Variants in WDFY4 observed in about 807,000 individuals in gnomAD.
The protein encoded by WDFY4 is WD repeat- and FYVE domain-containing protein 4.
Under a neutral mutation model 351.9 loss-of-function variants are expected in WDFY4, and 169 were observed. The ratio of observed to expected loss-of-function variants is 0.48; its 90% CI spans 0.42 to 0.55. The LOEUF is 0.55. Among genes scored for constraint, WDFY4 ranks in the 20% least tolerant of loss-of-function variants. WDFY4 has a pLI of 0.00. For synonymous variants in WDFY4, 1,622 were observed against 1,574.6 expected, an observed-to-expected ratio of 1.03 and a Z score of -0.71; for missense variants, 3,803 against 3,935.6, an observed-to-expected ratio of 0.97 and a Z score of 0.90.
chr10:48,813,331 G>C (rs2067520492), intron 30 of WDFY4, among the ~76,000 whole-genome samples: 1 of 152,140 alleles, frequency 6.6e-6, no homozygotes, highest in African/African-American at 2.4e-5. Flanking sequence ...TTAATATGCT[G>C]TACTAAGGTC....
At chr10:48,821,201 C>A in intron 34 of WDFY4, 25 bp downstream of exon 34, 1 of 1,515,114 alleles carries the variant, frequency 6.6e-7, no homozygotes, top group South Asian at 1.2e-5. Context: ...TCGGTCCCCT[C>A]CATTCATGAC....
chr10:48,891,995 G>A (rs1411452004), intron 44 of WDFY4, among the ~76,000 whole-genome samples: 3 of 152,186 alleles, frequency 2.0e-5, no homozygotes, highest in South Asian at 2.1e-4. Flanking sequence ...CATACCAAAT[G>A]TTCACCGATT....
intron 12 of WDFY4, among the ~76,000 whole-genome samples, chr10:48,758,533 G>A (rs2065402832): frequency 6.6e-6 from 1 of 152,070 alleles, no homozygotes; most frequent in Admixed American, 6.5e-5. Flanking sequence ...TCGTCTCCTT[G>A]GAGGATTCTA....
At position 48,727,667 on chromosome 10, in the gene WDFY4, G is replaced by T. The variant is rs747262860; in HGVS notation, c.971+8G>T. On this transcript the variant is annotated splice_region_variant and intron_variant, in intron 7 of 61. Transcript: ENST00000325239. ...GCTCAAAGTGTTACTTCGGTAAGTG[G>T]CTGTGTTTGGTACGGGGAGAGCACA... 1.7e-5 allele frequency: 27 copies of T among 1,551,634 alleles called. No homozygotes were observed. Among genetic ancestry groups the T allele is most frequent in the Non-Finnish European group, 2.2e-5 (25 of 1,146,912 alleles).
At chr10:48,904,040 G>T (rs1034508480) in intron 47 of WDFY4, among the ~76,000 whole-genome samples, 6 of 152,238 alleles carry the variant, frequency 3.9e-5, no homozygotes, top group Admixed American at 6.5e-5. Flanking sequence ...GTGGTCAAGT[G>T]TTGTTGGTAG....
chr10:48,789,988 A>T lies in WDFY4; in HGVS notation c.4066+3A>T, dbSNP rs1381463352. 6.4e-7 allele frequency: 1 copy of T among 1,552,070 alleles called. No homozygotes were observed. Among genetic ancestry groups the T allele is most frequent in the Non-Finnish European group, 8.7e-7 (1 of 1,146,956 alleles). On this transcript the variant is annotated splice_donor_region_variant and intron_variant, in intron 22 of 61. Transcript: ENST00000325239. ...AGCTGTTGCTGTGGGTCAATTAGGT[A>T]TGTTCAACTGGGAAGCTTTGCCGCT...
chr10:48,947,752 A>C (rs2133786557), intron 51 of WDFY4, among the ~76,000 whole-genome samples: 1 of 152,292 alleles, frequency 6.6e-6, no homozygotes, highest in South Asian at 2.1e-4. Context: ...CCTTTATCCC[A>C]GGGCACAGCT....
chr10:48,946,883 T>C lies in WDFY4; in HGVS notation c.7891T>C (p.Tyr2631His), dbSNP rs937895343. Residue 2631 changes from tyrosine (Y) to histidine (H), a missense_variant, in exon 51 of 62, where the codon TAC becomes CAC. This residue lies in a region of WDFY4 where 3,054 missense variants were observed against 3,148.6 expected (regional missense o/e 0.97). Transcript: ENST00000325239. ...AGGAGACATGACTGTCCAGTGCCACTACTACACCCACTACTCCTCGGCCAT... is the reference window on the plus strand; with the variant it reads ...AGGAGACATGACTGTCCAGTGCCACCACTACACCCACTACTCCTCGGCCAT... ...TEGDMTVQCH[Y>H]YTHYSSAIIV... 1 of 1,552,070 alleles carries C rather than the reference T, an allele frequency of 6.4e-7. No individual in the cohort carries two copies. The highest frequency in any genetic ancestry group is 8.7e-7 in the Non-Finnish European group (1 of 1,147,070).
At chr10:48,805,224 T>A in intron 25 of WDFY4, 36 bp from the exon 26 acceptor site, 1 of 1,523,010 alleles carries the variant, frequency 6.6e-7, no homozygotes, top group Non-Finnish European at 8.8e-7. Context: ...TTCATTCCAG[T>A]AAAAGCTTTT....
intron 61 of WDFY4, among the ~76,000 whole-genome samples, 192 bp downstream of exon 61, chr10:48,981,670 T>C (rs1842811791): frequency 6.6e-6 from 1 of 152,224 alleles, no homozygotes; most frequent in African/African-American, 2.4e-5. Flanking sequence ...AGGGTTTTGT[T>C]GTTGTTTGTT....
At chr10:48,774,166 C>T (rs116098724) in intron 13 of WDFY4, among the ~76,000 whole-genome samples, 3,869 of 152,352 alleles carry the variant, frequency 0.025, 151 homozygotes, top group African/African-American at 0.088. Flanking sequence ...AAGAGGCAGA[C>T]GCAGCCTCCT....
At chr10:48,907,893 C>T (rs368177747) in intron 47 of WDFY4, among the ~76,000 whole-genome samples, 14 of 152,198 alleles carry the variant, frequency 9.2e-5, no homozygotes, top group African/African-American at 3.4e-4. Context: ...CTGTCTATAC[C>T]AGAGTCACTG....
At chr10:48,945,923 G>A in intron 49 of WDFY4, 117 bp from the exon 50 acceptor site, 8 of 649,030 alleles carry the variant, frequency 1.2e-5, no homozygotes, top group Non-Finnish European at 1.7e-5. Flanking sequence ...AACCACCAGA[G>A]GCAGGTCAGA....
At chr10:48,862,169 A>T (rs2069367365) in intron 39 of WDFY4, among the ~76,000 whole-genome samples, 1 of 152,178 alleles carries the variant, frequency 6.6e-6, no homozygotes, top group South Asian at 2.1e-4. Context: ...CACTGTATGC[A>T]TCTGTTGATT....
Position 48,720,774 on chromosome 10 carries a change from T to C in WDFY4, c.350-487T>C, listed in dbSNP as rs539597112. ...AGACACAGAGGCCAAAGTGCATCTC[T>C]TGTGGGGCCTCCTGACTTGCATTCT... is the stretch of plus-strand genomic sequence containing the variant. On this transcript the variant is annotated intron_variant, in intron 3 of 61. Coordinates refer to ENST00000325239, the MANE Select transcript of WDFY4 (RefSeq NM_001394531.1). Among the ~76,000 whole-genome samples, 16 of 152,316 alleles carry C rather than the reference T, an allele frequency of 1.1e-4. No individual in the cohort carries two copies. In the East Asian group the frequency reaches 2.5e-3, roughly 24 times the overall value.
intron 44 of WDFY4, among the ~76,000 whole-genome samples, chr10:48,891,467 T>G (rs12098355): frequency 0.042 from 6,427 of 152,334 alleles, 449 homozygotes; most frequent in African/African-American, 0.15. Flanking sequence ...AAAGTCCAGT[T>G]GTCAAGTGTA....
chr10:48,982,210 G>A (rs1842839385), intron 61 of WDFY4, among the ~76,000 whole-genome samples: 1 of 152,226 alleles, frequency 6.6e-6, no homozygotes, highest in Non-Finnish European at 1.5e-5. Context: ...TTTCTCTGGT[G>A]GGACAGGAGA....
intron 47 of WDFY4, among the ~76,000 whole-genome samples, chr10:48,921,063 T>C (rs1167538402): frequency 1.3e-5 from 2 of 152,174 alleles, no homozygotes; most frequent in Admixed American, 1.3e-4. Context: ...ATGTCAACTC[T>C]CCCCAAATTG....
chr10:48,692,984 G>A (rs982998740), intron 1 of WDFY4, among the ~76,000 whole-genome samples: 5 of 152,218 alleles, frequency 3.3e-5, no homozygotes, highest in African/African-American at 1.2e-4. Context: ...GCCATGAGCT[G>A]TGTCTGGAAG....
Sources: allele counts gnomAD v4.1 joint callset (sites outside exome capture counted in the v4.1 genomes callset), GRCh38; gene constraint gnomAD v4.1.1; regional missense constraint gnomAD v4.1.1; transcripts MANE v1.5; gene names NCBI Gene and HGNC (gene_info 2026-07-23, HGNC 2026-07-21).